SCAPER: variants seen among roughly 807,000 people sequenced by gnomAD.
SCAPER encodes the protein S-phase cyclin A associated protein in the ER.
In SCAPER, 98 loss-of-function variants were observed where a neutral mutation model predicts 182.2. The ratio of observed to expected loss-of-function variants is 0.54; its 90% CI spans 0.46 to 0.64. The LOEUF is 0.64. Ranked by LOEUF, SCAPER falls within the 30% of genes least tolerant of loss-of-function variation. The pLI is 0.00. For missense variants in SCAPER, 1,432 were observed against 1,690.0 expected (o/e 0.85, Z 2.68); for synonymous variants, 605 against 564.6 (o/e 1.07, Z -1.01).
chr15:76,465,154 C>A (rs2142992830), intron 25 of SCAPER, among the ~76,000 whole-genome samples: 1 of 152,192 alleles, frequency 6.6e-6, no homozygotes, highest in Middle Eastern at 3.4e-3. Flanking sequence ...ATTTGAGCTG[C>A]TATAACAAAA....
intron 27 of SCAPER, among the ~76,000 whole-genome samples, chr15:76,389,048 G>A (rs2043479637): frequency 6.6e-6 from 1 of 152,114 alleles, no homozygotes; most frequent in African/African-American, 2.4e-5. Context: ...TATTTATATA[G>A]TAAGATGTGG....
chr15:76,827,572 G>A (rs1333715705), intron 5 of SCAPER, among the ~76,000 whole-genome samples: 3 of 152,164 alleles, frequency 2.0e-5, no homozygotes, highest in Admixed American at 6.5e-5. Context: ...AAAACTAGAG[G>A]AGGACACACC....
At chr15:76,590,657 T>C (rs1280585258) in intron 22 of SCAPER, among the ~76,000 whole-genome samples, 1 of 152,160 alleles carries the variant, frequency 6.6e-6, no homozygotes, top group East Asian at 1.9e-4. Context: ...CAAATGGAAC[T>C]GCCATTTGAT....
intron 24 of SCAPER, among the ~76,000 whole-genome samples, chr15:76,480,485 A>G (rs1371120714): frequency 6.6e-6 from 1 of 152,208 alleles, no homozygotes; most frequent in African/African-American, 2.4e-5. Flanking sequence ...TACCAATTCT[A>G]GAGGCTGAAA....
intron 23 of SCAPER, among the ~76,000 whole-genome samples, chr15:76,545,347 T>A (rs535048770): frequency 6.6e-6 from 1 of 152,168 alleles, no homozygotes; most frequent in Non-Finnish European, 1.5e-5. Flanking sequence ...GTGCTAGAGA[T>A]GCAACTGCTT....
chr15:76,784,673 A>G (rs1273486830), intron 8 of SCAPER, among the ~76,000 whole-genome samples: 9 of 152,184 alleles, frequency 5.9e-5, no homozygotes, highest in South Asian at 4.1e-4. Flanking sequence ...GCATGGTACC[A>G]GTACCAAAAC....
intron 1 of SCAPER, among the ~76,000 whole-genome samples, chr15:76,891,857 C>G (rs576914032): frequency 2.6e-5 from 4 of 152,238 alleles, no homozygotes; most frequent in East Asian, 1.9e-4. Context: ...CAAAAAAGAG[C>G]CTGAATTGCC....
chr15:76,571,913 T>C lies in SCAPER; in HGVS notation c.2838+2245A>G, dbSNP rs190919537. On this transcript the variant is annotated intron_variant, in intron 23 of 31. Transcript: ENST00000563290. Reference sequence around the variant, plus strand: ...TCTATGGAAGTCTTCATAAAGTGAGTGTGTGTCTTGGCTAGGTAAAAAGGA... The same window carrying C: ...TCTATGGAAGTCTTCATAAAGTGAGCGTGTGTCTTGGCTAGGTAAAAAGGA... Among the ~76,000 whole-genome samples, 20 of 152,224 alleles carry C rather than the reference T, an allele frequency of 1.3e-4. 1 individual carries two copies. The East Asian group carries it at 3.7e-3, about 28-fold the overall frequency.
Position 76,599,917 on chromosome 15 carries a change from T to G in SCAPER, c.2711+21847A>C, listed in dbSNP as rs2049788569. On this transcript the variant is annotated intron_variant, in intron 22 of 31. Coordinates refer to ENST00000563290, the MANE Select transcript of SCAPER (RefSeq NM_020843.4). ...CATTTTGTTACATGTAAATTTTACCTCAAAACAAACACACAAACAAGGATA... is the reference window on the plus strand; with the variant it reads ...CATTTTGTTACATGTAAATTTTACCGCAAAACAAACACACAAACAAGGATA... Among the ~76,000 whole-genome samples the G allele has an allele frequency of 1.6e-5, 2 of 121,672 alleles. 1 individual carries two copies. Among genetic ancestry groups the G allele is most frequent in the Non-Finnish European group, 4.0e-5 (2 of 50,106 alleles). The allele number at this position is 121,672 out of a possible 152,430, so 79.8% of individuals were successfully genotyped here.
chr15:76,890,455 A>C (rs1402718533), intron 1 of SCAPER, among the ~76,000 whole-genome samples: 11 of 152,204 alleles, frequency 7.2e-5, no homozygotes, highest in Admixed American at 5.9e-4. Flanking sequence ...CGAAGAATGA[A>C]ATAGATGCAA....
At chr15:76,866,723 C>T (rs529314521) in intron 2 of SCAPER, among the ~76,000 whole-genome samples, 1 of 152,164 alleles carries the variant, frequency 6.6e-6, no homozygotes, top group African/African-American at 2.4e-5. Context: ...ATAAAAATGT[C>T]AGTAGTAATG....
chr15:76,878,351 T>G (rs866699162), intron 2 of SCAPER, among the ~76,000 whole-genome samples: 24 of 152,134 alleles, frequency 1.6e-4, no homozygotes, highest in African/African-American at 4.8e-4. Flanking sequence ...TCTCACAACC[T>G]TTCTTAAATT....
At chr15:76,679,571 C>G (rs1276490648) in intron 20 of SCAPER, among the ~76,000 whole-genome samples, 3 of 152,140 alleles carry the variant, frequency 2.0e-5, no homozygotes, top group Non-Finnish European at 4.4e-5. Context: ...GTAGGATATA[C>G]TTATATTTTT....
intron 23 of SCAPER, among the ~76,000 whole-genome samples, chr15:76,528,008 G>T (rs2043335912): frequency 6.6e-6 from 1 of 152,048 alleles, no homozygotes; most frequent in African/African-American, 2.4e-5. Flanking sequence ...TGTCTTTGGA[G>T]GCTCTTCTCT....
intron 21 of SCAPER, among the ~76,000 whole-genome samples, chr15:76,628,867 T>C (rs549508137): frequency 6.6e-6 from 1 of 152,364 alleles, no homozygotes; most frequent in South Asian, 2.1e-4. Context: ...TTGGGCACTA[T>C]GGCCATTTGA....
At chr15:76,636,173 T>C (rs1285781500) in intron 21 of SCAPER, among the ~76,000 whole-genome samples, 4 of 152,160 alleles carry the variant, frequency 2.6e-5, no homozygotes, top group Non-Finnish European at 5.9e-5. Flanking sequence ...TTGCCAAATA[T>C]AGAATTCTTG....
intron 7 of SCAPER, chr15:76,797,519 G>C (rs2065413551): frequency 6.6e-6 from 1 of 152,172 alleles, no homozygotes; most frequent in Non-Finnish European, 1.5e-5. Context: ...GGAAATATTT[G>C]AGAGGACCCT....
At chr15:76,494,391 T>C (rs1038393939) in intron 24 of SCAPER, among the ~76,000 whole-genome samples, 1 of 152,332 alleles carries the variant, frequency 6.6e-6, no homozygotes, top group South Asian at 2.1e-4. Context: ...TGGTTCCTAG[T>C]CTGCTAGGTG....
intron 14 of SCAPER, among the ~76,000 whole-genome samples, chr15:76,756,645 G>C: frequency 6.6e-6 from 1 of 151,902 alleles, no homozygotes; most frequent in East Asian, 1.9e-4. Flanking sequence ...AATGTGAGCT[G>C]ATAAATGTTT....
Sources: gnomAD v4.1 joint callset for allele counts (sites outside exome capture counted in the v4.1 genomes callset) on GRCh38, gnomAD v4.1.1 for gene constraint, MANE v1.5 for transcripts, NCBI Gene and HGNC (gene_info 2026-07-23, HGNC 2026-07-21) for gene names.